Variants in CLVS2 observed in about 807,000 individuals in gnomAD.
The protein encoded by CLVS2 is clavesin-2.
Under a neutral mutation model 29.0 loss-of-function variants are expected in CLVS2, and 19 were observed. The observed-to-expected ratio is 0.66, with a 90% CI of 0.46 to 0.96. The LOEUF (loss-of-function observed/expected upper bound fraction) is 0.96, where lower values mean the gene tolerates loss of function less well. CLVS2 is among the 40% of genes least tolerant of loss of function. CLVS2 has a pLI of 0.00. For missense variants in CLVS2, 294 were observed against 404.1 expected, an observed-to-expected ratio of 0.73 and a Z score of 2.34; for synonymous variants, 161 against 151.3, an observed-to-expected ratio of 1.06 and a Z score of -0.47.
Position 123,056,033 on chromosome 6 carries a change from T to G in CLVS2, c.896+7T>G. The G allele has an allele frequency of 6.2e-7, 1 of 1,602,916 alleles. No homozygotes were observed. Among genetic ancestry groups the G allele is most frequent in the Non-Finnish European group, 8.5e-7 (1 of 1,171,414 alleles). ...CCCCAAAGTCCATGAAGAGGTATGC[T>G]GGAGGTAGACTGGGGAGTGGGCTGG... On this transcript the variant is annotated splice_region_variant and intron_variant, in intron 5 of 5. Transcript: ENST00000275162.
intron 3 of CLVS2, among the ~76,000 whole-genome samples, chr6:123,042,422 T>C (rs1775247223): frequency 6.6e-6 from 1 of 152,186 alleles, no homozygotes; most frequent in Non-Finnish European, 1.5e-5. Flanking sequence ...CTAATCAAGT[T>C]CCTTTATTGT....
chr6:123,012,440 A>G (rs1774762503), intron 3 of CLVS2, among the ~76,000 whole-genome samples: 2 of 151,980 alleles, frequency 1.3e-5, no homozygotes, highest in South Asian at 4.1e-4. Flanking sequence ...CACTAGAGCT[A>G]GGCTAGGCCT....
Position 123,035,839 on chromosome 6 carries a change from C to T in CLVS2, c.565-12783C>T, listed in dbSNP as rs541763942. 9.1e-4 allele frequency among the ~76,000 whole-genome samples: 138 copies of T among 152,242 alleles called. 1 individual carries two copies. The highest frequency in any genetic ancestry group is 3.0e-3 in the African/African-American group (126 of 41,552). Reference sequence around the variant, plus strand: ...CACAAACACACCCCCATATACACAACAACTGTTGGAAAGAACATTTCTTTA... The same window carrying T: ...CACAAACACACCCCCATATACACAATAACTGTTGGAAAGAACATTTCTTTA... On this transcript the variant is annotated intron_variant, in intron 3 of 5. Coordinates refer to ENST00000275162, the MANE Select transcript of CLVS2 (RefSeq NM_001010852.4).
chr6:123,040,652 G>A (rs935979245), intron 3 of CLVS2, among the ~76,000 whole-genome samples: 9 of 152,186 alleles, frequency 5.9e-5, no homozygotes, highest in South Asian at 2.1e-4. Flanking sequence ...AATTAGCTGG[G>A]CGTAGTGGCG....
intron 3 of CLVS2, among the ~76,000 whole-genome samples, chr6:123,039,502 T>A (rs568591210): frequency 2.8e-4 from 43 of 152,296 alleles, no homozygotes; most frequent in Non-Finnish European, 4.4e-4. Flanking sequence ...CTCCTGCTGT[T>A]GTGCTTGATT....
At chr6:123,053,644 G>C (rs145651307) in intron 4 of CLVS2, among the ~76,000 whole-genome samples, 140 of 152,234 alleles carry the variant, frequency 9.2e-4, no homozygotes, top group Admixed American at 1.8e-3. Context: ...TATGAATATA[G>C]ACAATTCCTT....
rs1337157487 is a variant in CLVS2 at position 123,048,724 on chromosome 6, C to T, written c.667C>T (p.Arg223Trp). 6.2e-7 allele frequency: 1 copy of T among 1,601,098 alleles called. No individual in the cohort carries two copies. The highest frequency in any genetic ancestry group is 1.7e-5 in the Admixed American group (1 of 59,952). ...CCGGCCTTTCCTGAAGGAGAAAACT[C>T]GGAAAAGGGTATTCTTTTCTTTGAT... ...VIRPFLKEKTRKRIFLHGNNL... is the reference protein window; with the variant it reads ...VIRPFLKEKTWKRIFLHGNNL... The change falls in exon 4 of 6, where the codon CGG (arginine) becomes TGG (tryptophan). Residue 223 changes from arginine to tryptophan, a missense_variant. Arg to Trp is a moderately radical substitution (Grantham distance 101). This residue lies in a region of CLVS2 where 212 missense variants were observed against 336.4 expected (regional missense o/e 0.63). Transcript: ENST00000275162.
intron 2 of CLVS2, among the ~76,000 whole-genome samples, chr6:123,010,581 G>A (rs2069430841): frequency 6.6e-6 from 1 of 151,832 alleles, no homozygotes; most frequent in Admixed American, 6.6e-5. Context: ...TTCATTTATT[G>A]ATGAGACTCA....
At chr6:123,049,578 C>T (rs1001063992) in intron 4 of CLVS2, among the ~76,000 whole-genome samples, 3 of 152,064 alleles carry the variant, frequency 2.0e-5, no homozygotes, top group African/African-American at 7.2e-5. Context: ...ATATTTCAGC[C>T]CCATGTATAG....
At chr6:123,053,364 C>T (rs1205326816) in intron 4 of CLVS2, among the ~76,000 whole-genome samples, 2 of 151,820 alleles carry the variant, frequency 1.3e-5, no homozygotes, top group Non-Finnish European at 2.9e-5. Flanking sequence ...AACAAACAAA[C>T]AAAAAAGATA....
chr6:123,004,742 G>A (rs1188993613), intron 2 of CLVS2, among the ~76,000 whole-genome samples: 2 of 151,910 alleles, frequency 1.3e-5, no homozygotes, highest in African/African-American at 2.4e-5. Flanking sequence ...GTGAAACCCC[G>A]TCTCTACTAA....
At chr6:123,020,322 T>G (rs1774902007) in intron 3 of CLVS2, among the ~76,000 whole-genome samples, 1 of 152,088 alleles carries the variant, frequency 6.6e-6, no homozygotes, top group African/African-American at 2.4e-5. Flanking sequence ...TTCCTTTGAA[T>G]GCCATATCAG....
At chr6:123,009,281 A>T (rs75154322) in intron 2 of CLVS2, among the ~76,000 whole-genome samples, 4 of 152,010 alleles carry the variant, frequency 2.6e-5, no homozygotes, top group Non-Finnish European at 5.9e-5. Flanking sequence ...CATATCCAGG[A>T]CCATATGGCT....
chr6:122,997,575 C>T lies in CLVS2; in HGVS notation c.-203C>T, dbSNP rs1047957400. ...TAGGGGGCAGAGGAAGAAGTTTACA[C>T]CCCCCGGCCCCCCCAGCTTTGCTGG... On this transcript the variant is annotated 5_prime_UTR_variant, in exon 2 of 6. Coordinates refer to ENST00000275162, the MANE Select transcript of CLVS2 (RefSeq NM_001010852.4). 3.4e-6 allele frequency: 2 copies of T among 595,404 alleles called. No individual in the cohort carries two copies. The highest frequency in any genetic ancestry group is 1.9e-5 in the African/African-American group (1 of 53,448). The allele number at this position is 595,404 out of a possible 1,614,324, so 36.9% of individuals were successfully genotyped here.
chr6:122,999,104 C>T (rs555341422), intron 2 of CLVS2, among the ~76,000 whole-genome samples: 1 of 152,282 alleles, frequency 6.6e-6, no homozygotes, highest in East Asian at 1.9e-4. Context: ...TTTCATGGGA[C>T]TTAAAATGCT....
chr6:123,018,308 C>G (rs538655927), intron 3 of CLVS2, among the ~76,000 whole-genome samples: 1 of 151,968 alleles, frequency 6.6e-6, no homozygotes, highest in Non-Finnish European at 1.5e-5. Flanking sequence ...AGCAAAACCT[C>G]GTTTTTTTCT....
chr6:122,998,243 T>A, intron 2 of CLVS2, 77 bp downstream of exon 2: 1 of 1,460,664 alleles, frequency 6.8e-7, no homozygotes, highest in Non-Finnish European at 9.1e-7. Context: ...GTGTCATGGT[T>A]TTGTAGATTT....
At chr6:123,022,358 A>G (rs1582650402) in intron 3 of CLVS2, among the ~76,000 whole-genome samples, 1 of 151,960 alleles carries the variant, frequency 6.6e-6, no homozygotes, top group African/African-American at 2.4e-5. Context: ...TTGTGGAGGG[A>G]GGTAAGGAAA....
chr6:123,019,708 A>G (rs1035287595), intron 3 of CLVS2, among the ~76,000 whole-genome samples: 1 of 152,036 alleles, frequency 6.6e-6, no homozygotes, highest in Non-Finnish European at 1.5e-5. Flanking sequence ...GGGTTCTCCA[A>G]AGAAATAGAA....
Sources: allele counts gnomAD v4.1 joint callset (sites outside exome capture counted in the v4.1 genomes callset), GRCh38; gene constraint gnomAD v4.1.1; regional missense constraint gnomAD v4.1.1; transcripts MANE v1.5; gene names NCBI Gene and HGNC (gene_info 2026-07-23, HGNC 2026-07-21).